The following SORBS3 variants were observed in gnomAD, a reference collection of about 807,000 sequenced individuals.
SORBS3 encodes the protein vinexin.
SORBS3 carries 69 observed loss-of-function variants against 98.0 expected under a neutral mutation model. The ratio of observed to expected loss-of-function variants is 0.70; its 90% confidence interval spans 0.58 to 0.86. SORBS3 has a LOEUF of 0.86. SORBS3 is among the 40% of genes least tolerant of loss of function. SORBS3 has a pLI of 0.00. For missense variants in SORBS3, 954 were observed against 908.5 expected (o/e 1.05, Z -0.64); for synonymous variants, 394 against 355.4 (o/e 1.11, Z -1.22).
Position 22,561,385 on chromosome 8 carries a change from C to T in SORBS3, c.517+12C>T, listed in dbSNP as rs747280985. ...GGAGCCACCCAGAGGTGAGGGGATGCGGGCCCACCTGCCTGCCATAGCCCT... is the reference window on the plus strand; with the variant it reads ...GGAGCCACCCAGAGGTGAGGGGATGTGGGCCCACCTGCCTGCCATAGCCCT... On this transcript the variant is annotated intron_variant, in intron 6 of 20. Coordinates refer to ENST00000240123, the MANE Select transcript of SORBS3 (RefSeq NM_005775.5). 24 of 1,612,172 alleles carry T rather than the reference C, an allele frequency of 1.5e-5. No homozygotes were observed. Among genetic ancestry groups the T allele is most frequent in the Non-Finnish European group, 1.9e-5 (22 of 1,179,234 alleles).
upstream of SORBS3, among the ~76,000 whole-genome samples, chr8:22,551,269 G>C (rs889359613): frequency 2.6e-5 from 4 of 152,084 alleles, no homozygotes; most frequent in Non-Finnish European, 5.9e-5. The surrounding 1 kb of genome is among the most constrained non-coding windows in gnomAD (Gnocchi z 5.8). Context: ...GTTTGCACAC[G>C]ACCGGCCGCG....
intron 1 of SORBS3, among the ~76,000 whole-genome samples, chr8:22,553,598 G>T (rs1586888271): frequency 6.6e-6 from 1 of 152,244 alleles, no homozygotes; most frequent in African/African-American, 2.4e-5. Flanking sequence ...GGCAGAAGAA[G>T]CTGGCTGTGG....
chr8:22,560,304 G>C (rs1049141456), intron 5 of SORBS3, among the ~76,000 whole-genome samples: 2 of 151,962 alleles, frequency 1.3e-5, no homozygotes, highest in Non-Finnish European at 2.9e-5. Flanking sequence ...AACATAGCAT[G>C]ATCCCGTCTC....
At chr8:22,561,496 AG>A in intron 6 of SORBS3, 123 bp downstream of exon 6, 1 of 1,006,668 alleles carries the variant, frequency 9.9e-7, no homozygotes, top group Non-Finnish European at 1.5e-6. Flanking sequence ...TCAACCTGAG[AG>A]GTTTTTATAG....
At position 22,566,404 on chromosome 8, in the gene SORBS3, C is replaced by T. The variant is rs1200917464; in HGVS notation, c.1010C>T (p.Ser337Phe). Residue 337 changes from serine (S) to phenylalanine (F), a missense_variant, in exon 13 of 21, where the codon TCC becomes TTC. Transcript: ENST00000240123. ...PHAPYLGSAR[S>F]LSPHKMADGG... ...GCACCTTACCTGGGTTCCGCCCGGTCCCTGAGTCCCCACAAAATGGCTGAT... is the reference window on the plus strand; with the variant it reads ...GCACCTTACCTGGGTTCCGCCCGGTTCCTGAGTCCCCACAAAATGGCTGAT... The T allele has an allele frequency of 1.2e-6, 2 of 1,614,100 alleles. No individual in the cohort carries two copies. The highest frequency in any genetic ancestry group is 2.2e-5 in the East Asian group (1 of 44,866).
intron 10 of SORBS3, chr8:22,565,031 G>A: frequency 1.4e-6 from 2 of 1,400,604 alleles, no homozygotes; most frequent in Non-Finnish European, 9.3e-7. Context: ...GCGGAATCGC[G>A]GGATCAGGAA....
intron 6 of SORBS3, chr8:22,561,659 G>C: frequency 1.6e-6 from 1 of 619,386 alleles, no homozygotes; most frequent in Non-Finnish European, 2.9e-6. Context: ...ACTCGGAGTT[G>C]TTTTGAAGAT....
Position 22,554,832 on chromosome 8 carries a change from C to CA in SORBS3, c.103-31_103-30insA. On this transcript the variant is annotated intron_variant, in intron 2 of 20. Transcript: ENST00000240123. The surrounding 1 kb of genome is among the most constrained non-coding windows in gnomAD (Gnocchi z 6.5). ...TCCCTCCCTCCCGCCCTGCTGGGCC[C>CA]TGAGCTGCCGCTCCTGGCCCCTCCC... The CA allele has an allele frequency of 6.4e-7, 1 of 1,573,268 alleles. No homozygotes were observed. Among genetic ancestry groups the CA allele is most frequent in the Non-Finnish European group, 8.7e-7 (1 of 1,145,024 alleles).
chr8:22,572,289 G>A (rs756676645), intron 19 of SORBS3, 51 bp from the exon 20 acceptor site: 3 of 1,486,542 alleles, frequency 2.0e-6, no homozygotes, highest in Admixed American at 3.3e-5. Context: ...GCAACACTTG[G>A]GTTAGAGCCT....
At chr8:22,564,187 C>G in intron 8 of SORBS3, 96 bp from the exon 9 acceptor site, 1 of 1,491,290 alleles carries the variant, frequency 6.7e-7, no homozygotes, top group South Asian at 1.2e-5. Flanking sequence ...ACCGTGGGCC[C>G]AGGGGAAGGG....
At chr8:22,565,408 G>A (rs1044275375) in intron 11 of SORBS3, 54 bp downstream of exon 11, 20 of 1,423,324 alleles carry the variant, frequency 1.4e-5, no homozygotes, top group East Asian at 2.9e-5. Context: ...CAGGGTCGGG[G>A]CGAGCCGGGA....
Position 22,564,349 on chromosome 8 carries a change from G to A in SORBS3, c.742G>A (p.Glu248Lys), listed in dbSNP as rs749119296. ...TEESWNQFLQELETGQRPKKP... is the reference protein window; with the variant it reads ...TEESWNQFLQKLETGQRPKKP... ...AGAGTCCTGGAACCAGTTTCTGCAG[G>A]AACTAGAGACTGGGCAGAGGGTGAG... Residue 248 changes from glutamate to lysine, a missense_variant, in exon 9 of 21, where the codon GAA becomes AAA. Glu to Lys is a moderately conservative substitution (Grantham distance 56). Transcript: ENST00000240123. 14 of 1,613,936 alleles carry A rather than the reference G, an allele frequency of 8.7e-6. No individual in the cohort carries two copies. Among genetic ancestry groups the A allele is most frequent in the Admixed American group, 3.3e-5 (2 of 60,006 alleles).
upstream of SORBS3, among the ~76,000 whole-genome samples, chr8:22,550,793 T>C (rs1350762906): frequency 6.6e-6 from 1 of 152,228 alleles, no homozygotes; most frequent in East Asian, 1.9e-4. Context: ...TAATTTAGCA[T>C]TGATCACTCC....
chr8:22,566,305 G>A (rs1586901101), intron 12 of SORBS3, 40 bp from the exon 13 acceptor site: 4 of 1,598,452 alleles, frequency 2.5e-6, no homozygotes, highest in Non-Finnish European at 3.4e-6. Context: ...GTGGGGTGCG[G>A]AGCCCCAGGC....
At chr8:22,568,727 G>A (rs1054952162) in intron 16 of SORBS3, among the ~76,000 whole-genome samples, 1 of 152,182 alleles carries the variant, frequency 6.6e-6, no homozygotes, top group Non-Finnish European at 1.5e-5. Flanking sequence ...GAACCGAGAC[G>A]CTGGAACCCA....
At chr8:22,564,447 C>T in intron 9 of SORBS3, 21 bp from the exon 10 acceptor site, 3 of 1,614,142 alleles carry the variant, frequency 1.9e-6, no homozygotes, top group Non-Finnish European at 1.7e-6. Context: ...CCTGCTCTGA[C>T]ACACCCTTTC....
Position 22,572,581 on chromosome 8 carries a change from G to A in SORBS3, c.1954+135G>A. On this transcript the variant is annotated intron_variant, in intron 20 of 20. Transcript: ENST00000240123. ...ACTCAGCTTCCGGCCGGGCTACTGGGGGGGCCTGGCACCCGATGCTTCCCC... is the reference window on the plus strand; with the variant it reads ...ACTCAGCTTCCGGCCGGGCTACTGGAGGGGCCTGGCACCCGATGCTTCCCC... 2.8e-6 allele frequency: 2 copies of A among 716,366 alleles called. 1 individual carries two copies. Among genetic ancestry groups the A allele is most frequent in the South Asian group, 3.3e-5 (2 of 60,044 alleles). 44.4% of individuals were successfully genotyped at this position (716,366 alleles called of 1,614,324 possible).
rs146179804 is a variant in SORBS3, at chr8:22,554,532, G to A, written c.26G>A (p.Arg9His). The change falls in exon 2 of 21, where the codon CGC becomes CAC. Residue 9 changes from arginine (R) to histidine (H), a missense_variant. Physicochemically the swap from Arg to His is conservative, Grantham distance 29. Coordinates refer to ENST00000240123, the MANE Select transcript of SORBS3 (RefSeq NM_005775.5). The surrounding 1 kb of genome is among the most constrained non-coding windows in gnomAD (Gnocchi z 6.5). Reference protein sequence around the residue: MQGPPRSLRAGLSLDDFIP... With the variant: MQGPPRSLHAGLSLDDFIP... ...ATGCAGGGCCCACCCCGCAGCCTCC[G>A]CGCTGGGCTCAGCCTGGACGACTTC... 1.5e-5 allele frequency: 24 copies of A among 1,612,522 alleles called. No individual in the cohort carries two copies. In the African/African-American group the frequency reaches 1.7e-4, roughly 12 times the overall value.
chr8:22,560,471 G>A (rs1279228474), intron 5 of SORBS3, among the ~76,000 whole-genome samples: 1 of 152,188 alleles, frequency 6.6e-6, no homozygotes, highest in Non-Finnish European at 1.5e-5. Context: ...CAGGGAGGTA[G>A]GAGGAAAACG....
Sources: gnomAD v4.1 joint callset for allele counts (sites outside exome capture counted in the v4.1 genomes callset) on GRCh38, gnomAD v4.1.1 for gene constraint, Gnocchi (gnomAD v3.1) non-coding constraint, MANE v1.5 for transcripts, NCBI Gene and HGNC (gene_info 2026-07-23, HGNC 2026-07-21) for gene names.